The following AGTPBP1 variants were observed in gnomAD, a reference collection of about 807,000 sequenced individuals.
AGTPBP1 encodes the protein cytosolic carboxypeptidase 1.
AGTPBP1 carries 70 observed loss-of-function variants against 143.9 expected under a neutral mutation model. The observed-to-expected ratio is 0.49, with a 90% CI of 0.40 to 0.59. The LOEUF is 0.59. AGTPBP1 is among the 20% of genes least tolerant of loss of function. The pLI is 0.00. For missense variants in AGTPBP1, 1,229 were observed against 1,464.5 expected (o/e 0.84, Z 2.62); for synonymous variants, 463 against 500.2 (o/e 0.93, Z 0.99).
chr9:85,632,274 T>C (rs952210851), intron 14 of AGTPBP1, among the ~76,000 whole-genome samples: 2 of 152,210 alleles, frequency 1.3e-5, no homozygotes, highest in African/African-American at 4.8e-5. Flanking sequence ...CTGTTGTGAT[T>C]TATAGCCTAT....
intron 9 of AGTPBP1, among the ~76,000 whole-genome samples, chr9:85,660,728 A>G (rs1331370283): frequency 6.6e-6 from 1 of 152,186 alleles, no homozygotes; most frequent in Non-Finnish European, 1.5e-5. Context: ...ATATAAATGT[A>G]CTAAATAAAT....
intron 2 of AGTPBP1, among the ~76,000 whole-genome samples, chr9:85,693,549 G>A (rs762612155): frequency 8.1e-4 from 124 of 152,278 alleles, no homozygotes; most frequent in South Asian, 1.2e-3. Flanking sequence ...AGTGAGCTGA[G>A]ATCATGCCAT....
intron 25 of AGTPBP1, among the ~76,000 whole-genome samples, chr9:85,560,809 T>G (rs1261282023): frequency 6.6e-6 from 1 of 152,018 alleles, no homozygotes; most frequent in African/African-American, 2.4e-5. Context: ...GGATAGAAAT[T>G]TATTCATAAG....
chr9:85,682,030 G>GAGCC (rs568055871), intron 3 of AGTPBP1, among the ~76,000 whole-genome samples: 71 of 151,738 alleles, frequency 4.7e-4, no homozygotes, highest in African/African-American at 1.4e-3. Context: ...TTACAGGCAT[G>GAGCC]AGCCACCATG....
At chr9:85,755,312 G>A in the AGTPBP1 span, among the ~76,000 whole-genome samples, 1 of 151,976 alleles carries the variant, frequency 6.6e-6, no homozygotes, top group African/African-American at 2.4e-5. Flanking sequence ...GTGTCCACTT[G>A]GTAGAGTTCC....
intron 1 of AGTPBP1, among the ~76,000 whole-genome samples, chr9:85,728,712 C>A (rs1205462203): frequency 6.6e-6 from 1 of 151,026 alleles, no homozygotes; most frequent in Non-Finnish European, 1.5e-5. Flanking sequence ...TGAAAAAAAT[C>A]AAAACACATA....
intron 11 of AGTPBP1, among the ~76,000 whole-genome samples, chr9:85,651,065 A>C (rs942376738): frequency 2.6e-5 from 4 of 152,180 alleles, no homozygotes; most frequent in African/African-American, 9.7e-5. Flanking sequence ...TTTTTAACCC[A>C]ATCTGGGAGT....
intron 4 of AGTPBP1, among the ~76,000 whole-genome samples, chr9:85,679,696 C>T (rs936095431): frequency 6.6e-6 from 1 of 152,182 alleles, no homozygotes; most frequent in Admixed American, 6.5e-5. Context: ...GCGTGAGCCA[C>T]CACACCCAGC....
At chr9:85,762,455 G>A in the AGTPBP1 span, among the ~76,000 whole-genome samples, 3,354 of 152,244 alleles carry the variant, frequency 0.022, 38 homozygotes, top group South Asian at 0.034. Context: ...AAAATGATGA[G>A]TTCATGTCCT....
chr9:85,564,244 G>C (rs1826934368), intron 25 of AGTPBP1, among the ~76,000 whole-genome samples: 1 of 152,280 alleles, frequency 6.6e-6, no homozygotes, highest in Non-Finnish European at 1.5e-5. Context: ...CTGAAGAGCA[G>C]AGAATGCAGC....
At chr9:85,715,922 T>C (rs1190850336) in intron 1 of AGTPBP1, among the ~76,000 whole-genome samples, 1 of 152,190 alleles carries the variant, frequency 6.6e-6, no homozygotes, top group Non-Finnish European at 1.5e-5. Flanking sequence ...ATCTCCTCTT[T>C]CCTCTTTACT....
chr9:85,653,846 G>A (rs1833321550), intron 11 of AGTPBP1, among the ~76,000 whole-genome samples: 1 of 152,140 alleles, frequency 6.6e-6, no homozygotes, highest in South Asian at 2.1e-4. Flanking sequence ...ATTTTCTCCT[G>A]TAAAAGTCTG....
chr9:85,741,799 G>A lies in AGTPBP1; in HGVS notation c.-58C>T. On this transcript the variant is annotated 5_prime_UTR_variant, in exon 1 of 26. Transcript: ENST00000357081. Reference sequence around the variant, plus strand: ...CCGGCTCAGGATGGGGCGCTGGCGGGGACCGCGCAGAGCCGCAGCACCCGG... The same window carrying A: ...CCGGCTCAGGATGGGGCGCTGGCGGAGACCGCGCAGAGCCGCAGCACCCGG... 7.3e-7 allele frequency: 1 copy of A among 1,361,334 alleles called. No homozygotes were observed. Among genetic ancestry groups the A allele is most frequent in the Non-Finnish European group, 9.4e-7 (1 of 1,059,128 alleles). The allele number at this position is 1,361,334 out of a possible 1,614,324, so 84.3% of individuals were successfully genotyped here. A position where few individuals can be genotyped will look rare whatever the true frequency, so the allele number is the denominator to read the frequency against.
intron 1 of AGTPBP1, among the ~76,000 whole-genome samples, chr9:85,723,535 C>G (rs557244350): frequency 6.6e-6 from 1 of 152,178 alleles, no homozygotes; most frequent in Admixed American, 6.5e-5. Context: ...CTGTGGGTTG[C>G]GAAGACTATG....
intron 17 of AGTPBP1, among the ~76,000 whole-genome samples, chr9:85,611,835 C>G (rs1830336450): frequency 6.6e-6 from 1 of 152,114 alleles, no homozygotes. Flanking sequence ...TGTGTGCCAC[C>G]AAGCCTGGTT....
At chr9:85,761,835 G>A in the AGTPBP1 span, among the ~76,000 whole-genome samples, 2 of 152,102 alleles carry the variant, frequency 1.3e-5, no homozygotes, top group South Asian at 2.1e-4. Flanking sequence ...GAGTGAGCAG[G>A]CAAACTACAA....
At chr9:85,630,966 T>C (rs80210583) in intron 14 of AGTPBP1, among the ~76,000 whole-genome samples, 2,550 of 152,326 alleles carry the variant, frequency 0.017, 25 homozygotes, top group Middle Eastern at 0.054. Context: ...GGCAACAGGC[T>C]AATCACTGGA....
intron 5 of AGTPBP1, 68 bp from the exon 6 acceptor site, chr9:85,677,650 T>C (rs1834918599): frequency 7.8e-7 from 1 of 1,283,806 alleles, no homozygotes; most frequent in East Asian, 2.7e-5. Context: ...TAAACAAACA[T>C]ATTAGGTATC....
intron 11 of AGTPBP1, among the ~76,000 whole-genome samples, chr9:85,654,762 G>T (rs182059641): frequency 6.6e-6 from 1 of 151,666 alleles, no homozygotes. Context: ...AGAATTGCTT[G>T]AACACGGGAG....
Sources: allele counts gnomAD v4.1 joint callset (sites outside exome capture counted in the v4.1 genomes callset), GRCh38; gene constraint gnomAD v4.1.1; transcripts MANE v1.5; gene names NCBI Gene and HGNC (gene_info 2026-07-23, HGNC 2026-07-21).